The following IFT56 variants were observed in gnomAD, a reference collection of about 807,000 sequenced individuals.
IFT56 encodes intraflagellar transport 56, also known as intraflagellar transport protein 56.
the IFT56 span, chr7:139,133,794 A>C: frequency 6.2e-7 from 1 of 1,612,380 alleles, no homozygotes; most frequent in Admixed American, 1.7e-5. Flanking sequence ...TGCTGTGTGG[A>C]TGCGGCGAAA....
chr7:139,149,587 G>C, the IFT56 span, among the ~76,000 whole-genome samples: 1 of 151,960 alleles, frequency 6.6e-6, no homozygotes, highest in Non-Finnish European at 1.5e-5. Context: ...TCTCACTCCT[G>C]GAATGACTTC....
the IFT56 span, among the ~76,000 whole-genome samples, chr7:139,178,008 C>T: frequency 3.9e-5 from 6 of 152,006 alleles, no homozygotes; most frequent in Non-Finnish European, 8.8e-5. Context: ...GGGAGTTAAT[C>T]CCCAGAGAGA....
chr7:139,174,069 C>T, the IFT56 span: 2 of 606,632 alleles, frequency 3.3e-6, no homozygotes, highest in Non-Finnish European at 6.5e-6. Flanking sequence ...TGCAGCACTT[C>T]TTTCTTCCTG....
the IFT56 span, chr7:139,173,019 G>C: frequency 4.1e-6 from 3 of 728,266 alleles, no homozygotes; most frequent in East Asian, 2.6e-5. Flanking sequence ...TGGTGGTGTG[G>C]CTCAGGGACC....
chr7:139,180,153 C>T, the IFT56 span, among the ~76,000 whole-genome samples: 2 of 150,442 alleles, frequency 1.3e-5, no homozygotes, highest in East Asian at 3.9e-4. Flanking sequence ...CTGGCTAGCA[C>T]GGTGAAACCC....
chr7:139,174,298 C>G, the IFT56 span: 1 of 563,256 alleles, frequency 1.8e-6, no homozygotes, highest in South Asian at 1.4e-5. Context: ...CCCACGGGAG[C>G]CCACCTGGTG....
chr7:139,134,511 C>G, the IFT56 span: 1 of 798,994 alleles, frequency 1.3e-6, no homozygotes, highest in Non-Finnish European at 1.8e-6. Flanking sequence ...CCTCGTGATC[C>G]GCCGCCTTCG....
the IFT56 span, among the ~76,000 whole-genome samples, chr7:139,142,999 A>T: frequency 2.0e-5 from 3 of 152,112 alleles, no homozygotes; most frequent in Non-Finnish European, 4.4e-5. Flanking sequence ...TTTCAAATTT[A>T]AAATTTTAAA....
At chr7:139,140,634 A>G in the IFT56 span, among the ~76,000 whole-genome samples, 6 of 151,742 alleles carry the variant, frequency 4.0e-5, no homozygotes, top group East Asian at 9.7e-4. Flanking sequence ...ACAAAAATAC[A>G]GAAGGTGGTG....
chr7:139,155,013 G>T, the IFT56 span, among the ~76,000 whole-genome samples: 1 of 151,972 alleles, frequency 6.6e-6, no homozygotes, highest in East Asian at 1.9e-4. Flanking sequence ...ATATTTGGTG[G>T]TTTTTATGGG....
the IFT56 span, among the ~76,000 whole-genome samples, chr7:139,151,731 G>T: frequency 0.25 from 38,794 of 152,144 alleles, 9,058 homozygotes; most frequent in African/African-American, 0.59. Flanking sequence ...ACATTGATCT[G>T]TTTCTTTATG....
the IFT56 span, among the ~76,000 whole-genome samples, chr7:139,145,790 A>C: frequency 6.6e-6 from 1 of 151,352 alleles, no homozygotes; most frequent in African/African-American, 2.4e-5. Flanking sequence ...ACTACAAGCT[A>C]CTCTAATATT....
At chr7:139,149,166 G>A in the IFT56 span, among the ~76,000 whole-genome samples, 4 of 151,748 alleles carry the variant, frequency 2.6e-5, no homozygotes, top group Non-Finnish European at 4.4e-5. Flanking sequence ...TTAGCTGGGC[G>A]TGGTGGCGGG....
At chr7:139,138,056 G>C in the IFT56 span, 5 of 593,116 alleles carry the variant, frequency 8.4e-6, no homozygotes, top group Non-Finnish European at 1.1e-5. Flanking sequence ...GAAACAAAGA[G>C]AAGTTACCTA....
At chr7:139,163,406 C>T in the IFT56 span, among the ~76,000 whole-genome samples, 3 of 151,820 alleles carry the variant, frequency 2.0e-5, no homozygotes, top group South Asian at 2.1e-4. Context: ...TGTAGGCATC[C>T]GTGTCAAAAC....
the IFT56 span, among the ~76,000 whole-genome samples, chr7:139,159,415 C>T: frequency 2.0e-5 from 3 of 151,998 alleles, no homozygotes; most frequent in Non-Finnish European, 2.9e-5. Context: ...TATTATATAA[C>T]TGTTTTTTTA....
chr7:139,175,923 G>A, the IFT56 span, among the ~76,000 whole-genome samples: 11 of 152,016 alleles, frequency 7.2e-5, no homozygotes, highest in Admixed American at 1.3e-4. Context: ...TCCGCCTCCC[G>A]GGTTCAAGCA....
chr7:139,148,725 G>C, the IFT56 span, among the ~76,000 whole-genome samples: 4 of 151,360 alleles, frequency 2.6e-5, no homozygotes, highest in Non-Finnish European at 5.9e-5. Context: ...AGGAGTTTGA[G>C]ACCAGCCTAG....
the IFT56 span, among the ~76,000 whole-genome samples, chr7:139,175,243 A>G: frequency 1.3e-5 from 2 of 152,256 alleles, no homozygotes; most frequent in African/African-American, 4.8e-5. Context: ...TAGCACACCT[A>G]CTATGTATGT....
Sources: allele counts gnomAD v4.1 joint callset (sites outside exome capture counted in the v4.1 genomes callset), GRCh38; gene constraint gnomAD v4.1.1; transcripts MANE v1.5; gene names NCBI Gene and HGNC (gene_info 2026-07-23, HGNC 2026-07-21).